PKP4: variants seen among roughly 807,000 people sequenced by gnomAD.
The protein encoded by PKP4 is plakophilin-4.
Under a neutral mutation model 145.1 loss-of-function variants are expected in PKP4, and 90 were observed. That is an observed-to-expected ratio of 0.62 (90% CI 0.52 to 0.74). The LOEUF (loss-of-function observed/expected upper bound fraction) is 0.74. Ranked by LOEUF, PKP4 falls within the 30% of genes least tolerant of loss-of-function variation. PKP4 has a pLI of 0.00. For synonymous variants in PKP4, 563 were observed against 577.2 expected (o/e 0.98, Z 0.35); for missense variants, 1,340 against 1,482.7 (o/e 0.90, Z 1.58).
At chr2:158,518,187 G>A (rs1003184619) in intron 1 of PKP4, among the ~76,000 whole-genome samples, 3 of 152,160 alleles carry the variant, frequency 2.0e-5, no homozygotes, top group Non-Finnish European at 4.4e-5. Context: ...GACTAAGAAG[G>A]CCTGTCTTAC....
intron 2 of PKP4, among the ~76,000 whole-genome samples, chr2:158,534,018 T>C (rs952861641): frequency 2.6e-4 from 40 of 152,186 alleles, no homozygotes; most frequent in Non-Finnish European, 8.8e-5. Flanking sequence ...TTTTTTGTTT[T>C]TTTTTCCCTG....
intron 1 of PKP4, among the ~76,000 whole-genome samples, chr2:158,522,108 A>C (rs1054860293): frequency 1.3e-5 from 2 of 152,216 alleles, no homozygotes; most frequent in African/African-American, 4.8e-5. Context: ...AAATAACTGG[A>C]GTCCAACTTA....
At chr2:158,550,091 A>G (rs2045461287) in intron 2 of PKP4, among the ~76,000 whole-genome samples, 1 of 152,250 alleles carries the variant, frequency 6.6e-6, no homozygotes, top group African/African-American at 2.4e-5. Context: ...TCTCTAAAGA[A>G]GGTTACATTT....
At chr2:158,577,248 C>A (rs1430222141) in intron 2 of PKP4, 23 bp from the exon 3 acceptor site, 2 of 1,520,880 alleles carry the variant, frequency 1.3e-6, no homozygotes, top group Admixed American at 3.4e-5. Flanking sequence ...GCCTTATATG[C>A]CTTTTATTTT....
chr2:158,626,881 C>T (rs1440733838), intron 7 of PKP4, among the ~76,000 whole-genome samples: 3 of 152,086 alleles, frequency 2.0e-5, no homozygotes, highest in Non-Finnish European at 2.9e-5. Context: ...GCTAGCACCT[C>T]GTAATATGCT....
intron 2 of PKP4, among the ~76,000 whole-genome samples, chr2:158,547,936 G>T (rs4664973): frequency 0.25 from 38,078 of 152,186 alleles, 5,155 homozygotes; most frequent in Middle Eastern, 0.34. Flanking sequence ...CAAGACCGGA[G>T]TTCAAGTCTG....
chr2:158,497,149 C>A (rs1353675358), intron 1 of PKP4, among the ~76,000 whole-genome samples: 4 of 152,080 alleles, frequency 2.6e-5, no homozygotes. Context: ...AGTGCCTCAC[C>A]TAGAGATGAA....
At chr2:158,624,651 T>C (rs2052577282) in intron 6 of PKP4, among the ~76,000 whole-genome samples, 2 of 151,272 alleles carry the variant, frequency 1.3e-5, no homozygotes, top group South Asian at 4.2e-4. Context: ...TACAGGTTAA[T>C]TTTAGCATTT....
At chr2:158,574,508 A>G (rs934489460) in intron 2 of PKP4, among the ~76,000 whole-genome samples, 3 of 152,222 alleles carry the variant, frequency 2.0e-5, no homozygotes, top group Non-Finnish European at 4.4e-5. Flanking sequence ...CAGTCAGTCA[A>G]AGAGGCCAGT....
chr2:158,622,584 C>T (rs191726108), intron 6 of PKP4, among the ~76,000 whole-genome samples: 93 of 152,246 alleles, frequency 6.1e-4, no homozygotes, highest in Middle Eastern at 3.4e-3. Context: ...CAATGGGTCA[C>T]GGTTCCCAAC....
intron 10 of PKP4, among the ~76,000 whole-genome samples, chr2:158,641,319 G>A (rs530449909): frequency 1.8e-4 from 27 of 147,468 alleles, no homozygotes; most frequent in African/African-American, 6.2e-4. Context: ...GCCTAGGAGC[G>A]AGACTCTGTC....
At chr2:158,562,648 T>TA in intron 2 of PKP4, among the ~76,000 whole-genome samples, 1 of 152,198 alleles carries the variant, frequency 6.6e-6, no homozygotes, top group Non-Finnish European at 1.5e-5. Context: ...TTTGTCACAG[T>TA]AAAAATATAT....
chr2:158,476,708 A>T (rs1692527962), intron 1 of PKP4, among the ~76,000 whole-genome samples: 1 of 144,400 alleles, frequency 6.9e-6, no homozygotes, highest in Non-Finnish European at 1.6e-5. Context: ...TCACTTTTAA[A>T]ATAGTTTTTT....
At chr2:158,577,804 G>A (rs1408283056) in intron 3 of PKP4, among the ~76,000 whole-genome samples, 2 of 151,928 alleles carry the variant, frequency 1.3e-5, no homozygotes, top group East Asian at 3.9e-4. Context: ...GGTTTTTCTA[G>A]AACTCTATGA....
chr2:158,545,630 C>A (rs1409957377), intron 2 of PKP4, among the ~76,000 whole-genome samples: 1 of 152,144 alleles, frequency 6.6e-6, no homozygotes, highest in African/African-American at 2.4e-5. Context: ...ATTACAGCTA[C>A]TCATTCTTAT....
chr2:158,604,773 A>G (rs563361520), intron 4 of PKP4, among the ~76,000 whole-genome samples: 126 of 152,330 alleles, frequency 8.3e-4, no homozygotes, highest in Non-Finnish European at 1.6e-3. Flanking sequence ...TGTGATTACT[A>G]AAGAAAGCCT....
chr2:158,648,458 A>G (rs369828205), intron 11 of PKP4, among the ~76,000 whole-genome samples: 76 of 152,368 alleles, frequency 5.0e-4, no homozygotes, highest in African/African-American at 1.7e-3. Flanking sequence ...GCAGGAGCTT[A>G]GTGGACATGC....
intron 1 of PKP4, among the ~76,000 whole-genome samples, chr2:158,466,738 T>G (rs1281558264): frequency 6.6e-6 from 1 of 152,118 alleles, no homozygotes; most frequent in East Asian, 1.9e-4. Context: ...TTAAACAGAT[T>G]GGTTCATATT....
intron 2 of PKP4, among the ~76,000 whole-genome samples, chr2:158,566,197 A>T (rs1304143265): frequency 6.6e-6 from 1 of 152,194 alleles, no homozygotes; most frequent in African/African-American, 2.4e-5. Flanking sequence ...AATTTTTAAA[A>T]TAAGTCTCCT....
Sources: allele counts gnomAD v4.1 joint callset (sites outside exome capture counted in the v4.1 genomes callset), GRCh38; gene constraint gnomAD v4.1.1; transcripts MANE v1.5; gene names NCBI Gene and HGNC (gene_info 2026-07-23, HGNC 2026-07-21).